Variants in ZSCAN25 observed in about 807,000 individuals in gnomAD.
The protein encoded by ZSCAN25 is zinc finger and SCAN domain-containing protein 25.
ZSCAN25 carries 27 observed loss-of-function variants against 38.7 expected under a neutral mutation model. That is an observed-to-expected ratio of 0.70 (90% CI 0.51 to 0.96). ZSCAN25 has a LOEUF of 0.96. Ranked by LOEUF, ZSCAN25 falls within the 40% of genes least tolerant of loss-of-function variation. The pLI, the probability that ZSCAN25 is intolerant of heterozygous loss-of-function variation, is 0.00. For missense variants in ZSCAN25, 637 were observed against 705.9 expected, an observed-to-expected ratio of 0.90 and a Z score of 1.11; for synonymous variants, 273 against 277.7, an observed-to-expected ratio of 0.98 and a Z score of 0.17.
Position 99,630,051 on chromosome 7 carries a change from C to T in ZSCAN25, c.*31C>T, listed in dbSNP as rs759672798. ...GCAGGTGGCAGGCAGCACCATCATT[C>T]ATCTTTCTCACTGCAGGGCCTTGCG... On this transcript the variant is annotated 3_prime_UTR_variant, in exon 8 of 8. Coordinates refer to ENST00000394152, the MANE Select transcript of ZSCAN25 (RefSeq NM_145115.3). 1 of 1,486,096 alleles carries T rather than the reference C, an allele frequency of 6.7e-7. No individual in the cohort carries two copies. 92.1% of individuals were successfully genotyped at this position (1,486,096 alleles called of 1,614,324 possible).
chr7:99,717,135 G>T, the ZSCAN25 span: 1 of 1,612,634 alleles, frequency 6.2e-7, no homozygotes, highest in African/African-American at 1.3e-5. Flanking sequence ...AGCTGGAGGG[G>T]CTCATGACAG....
chr7:99,688,722 T>C, the ZSCAN25 span, among the ~76,000 whole-genome samples: 4 of 152,018 alleles, frequency 2.6e-5, 1 homozygote, highest in South Asian at 4.1e-4. Flanking sequence ...AATATACATT[T>C]TTTTCAGCAC....
chr7:99,622,166 C>G, intron 5 of ZSCAN25: 1 of 223,030 alleles, frequency 4.5e-6, no homozygotes, highest in Non-Finnish European at 9.0e-6. Context: ...ACCTCGTGAT[C>G]TGTCCACCTC....
At chr7:99,653,875 G>T in the ZSCAN25 span, among the ~76,000 whole-genome samples, 3 of 152,208 alleles carry the variant, frequency 2.0e-5, no homozygotes, top group Non-Finnish European at 4.4e-5. This position sits in a 1 kb window ranked among gnomAD's most constrained non-coding sequence, Gnocchi z 4.2. Context: ...CAGATACCCT[G>T]GTTCCTAGCT....
At chr7:99,643,260 A>C in the ZSCAN25 span, among the ~76,000 whole-genome samples, 2 of 152,110 alleles carry the variant, frequency 1.3e-5, no homozygotes, top group Non-Finnish European at 2.9e-5. Flanking sequence ...AGCAGCCTGC[A>C]GGCCAAGACC....
chr7:99,621,366 T>C lies in ZSCAN25; in HGVS notation c.388-7T>C. On this transcript the variant is annotated splice_region_variant and splice_polypyrimidine_tract_variant and intron_variant, in intron 4 of 7. Transcript: ENST00000394152. ...TCATTCTAATCGGTGTTGGGAACTG[T>C]TCTTAGGTTCCATGCCACAGGCAGG... The C allele has an allele frequency of 7.2e-7, 1 of 1,394,070 alleles. No homozygotes were observed. The highest frequency in any genetic ancestry group is 9.4e-7 in the Non-Finnish European group (1 of 1,059,116). 86.4% of individuals were successfully genotyped at this position (1,394,070 alleles called of 1,614,324 possible). A position where few individuals can be genotyped will look rare whatever the true frequency, so the allele number is the denominator to read the frequency against.
chr7:99,639,600 C>T, the ZSCAN25 span, among the ~76,000 whole-genome samples: 2 of 152,302 alleles, frequency 1.3e-5, no homozygotes, highest in South Asian at 4.1e-4. Context: ...GCATTGCAGC[C>T]AATTACAGGC....
At chr7:99,723,229 C>T in the ZSCAN25 span, among the ~76,000 whole-genome samples, 1 of 152,112 alleles carries the variant, frequency 6.6e-6, no homozygotes, top group Non-Finnish European at 1.5e-5. Flanking sequence ...GGTGAAACAG[C>T]CAGCTCCTGT....
At chr7:99,641,445 A>G in the ZSCAN25 span, among the ~76,000 whole-genome samples, 1 of 152,128 alleles carries the variant, frequency 6.6e-6, no homozygotes, top group South Asian at 2.1e-4. Flanking sequence ...ATAATTCAAG[A>G]TGAGATTTGG....
chr7:99,676,245 T>A, the ZSCAN25 span: 1 of 1,612,038 alleles, frequency 6.2e-7, no homozygotes, highest in Non-Finnish European at 8.5e-7. Context: ...ACAGGGATTG[T>A]GACTTTATAG....
At chr7:99,695,867 C>G in the ZSCAN25 span, 18 of 1,602,480 alleles carry the variant, frequency 1.1e-5, no homozygotes, top group East Asian at 4.0e-4. Context: ...AATCAGGTCT[C>G]AGGGATTGTG....
At chr7:99,702,991 G>GTT in the ZSCAN25 span, among the ~76,000 whole-genome samples, 1 of 151,958 alleles carries the variant, frequency 6.6e-6, no homozygotes, top group African/African-American at 2.4e-5. Context: ...TAGGTATTTA[G>GTT]TTTTATTTGT....
At chr7:99,726,723 A>G in the ZSCAN25 span, among the ~76,000 whole-genome samples, 1 of 152,286 alleles carries the variant, frequency 6.6e-6, no homozygotes, top group African/African-American at 2.4e-5. Flanking sequence ...TATTCAATAT[A>G]TTGATGACCT....
the ZSCAN25 span, chr7:99,666,802 A>T: frequency 2.5e-6 from 4 of 1,591,656 alleles, no homozygotes; most frequent in Admixed American, 5.2e-5. Flanking sequence ...GAATTTTGTG[A>T]TGTCTTTTCT....
At chr7:99,699,923 G>T in the ZSCAN25 span, 1 of 1,380,426 alleles carries the variant, frequency 7.2e-7, no homozygotes, top group Non-Finnish European at 1.0e-6. Flanking sequence ...AGCACCCCAA[G>T]TCCAAGTTAA....
chr7:99,637,687 A>G, the ZSCAN25 span, among the ~76,000 whole-genome samples: 2 of 152,232 alleles, frequency 1.3e-5, no homozygotes, highest in African/African-American at 4.8e-5. Context: ...TACTGGTCTT[A>G]GATATAAAAG....
the ZSCAN25 span, among the ~76,000 whole-genome samples, chr7:99,735,947 C>G: frequency 6.6e-6 from 1 of 152,166 alleles, no homozygotes; most frequent in African/African-American, 2.4e-5. Flanking sequence ...CTTCTTAGGT[C>G]ATTAATACAG....
the ZSCAN25 span, among the ~76,000 whole-genome samples, chr7:99,722,640 G>A: frequency 2.0e-5 from 3 of 152,254 alleles, no homozygotes; most frequent in South Asian, 6.2e-4. Context: ...GCTTTTTCAT[G>A]TGTTGTCTCT....
the ZSCAN25 span, among the ~76,000 whole-genome samples, chr7:99,724,524 T>A: frequency 1.3e-5 from 2 of 151,962 alleles, no homozygotes; most frequent in Non-Finnish European, 2.9e-5. Context: ...GTCCTTTGAA[T>A]CCTCCTTTTC....
Sources: gnomAD v4.1 joint callset for allele counts (sites outside exome capture counted in the v4.1 genomes callset) on GRCh38, gnomAD v4.1.1 for gene constraint, Gnocchi (gnomAD v3.1) non-coding constraint, MANE v1.5 for transcripts, NCBI Gene and HGNC (gene_info 2026-07-23, HGNC 2026-07-21) for gene names.